Variants in TRPS1 observed in about 807,000 individuals in gnomAD.
TRPS1 encodes the protein transcriptional repressor GATA binding 1, also known as zinc finger transcription factor Trps1.
A neutral mutation model predicts 101.2 loss-of-function variants in TRPS1; 6 were observed. The ratio of observed to expected loss-of-function variants is 0.06; its 90% CI spans 0.03 to 0.12. The LOEUF (loss-of-function observed/expected upper bound fraction) is 0.12. TRPS1 is among the 10% of genes least tolerant of loss of function. The pLI, the probability that TRPS1 is intolerant of heterozygous loss-of-function variation, is 1.00. For synonymous variants in TRPS1, 578 were observed against 589.8 expected (o/e 0.98, Z 0.29); for missense variants, 1,363 against 1,567.0 (o/e 0.87, Z 2.20).
At chr8:115,575,272 T>G (rs1169396398) in intron 5 of TRPS1, among the ~76,000 whole-genome samples, 2 of 152,114 alleles carry the variant, frequency 1.3e-5, no homozygotes, top group Admixed American at 6.6e-5. Context: ...TGAAATACTA[T>G]GAAGTCAATA....
rs1474391482 is a variant in TRPS1 at position 115,663,653 on chromosome 8, TC to T, written c.-122+4891del. Among the ~76,000 whole-genome samples, 12 of 145,864 alleles carry T rather than the reference TC, an allele frequency of 8.2e-5. No individual in the cohort carries two copies. In the South Asian group the frequency reaches 2.6e-3, roughly 32 times the overall value. The stretch of plus-strand genomic sequence containing the variant: ...ATCAGAAAATGATTTCAAATGATGC[TC>T]CAAATTTGAAGTACATAGATAATTT... On this transcript the variant is annotated intron_variant, in intron 1 of 6. Transcript: ENST00000395715.
At chr8:115,515,774 A>T (rs1348123996) in intron 5 of TRPS1, among the ~76,000 whole-genome samples, 1 of 151,492 alleles carries the variant, frequency 6.6e-6, no homozygotes, top group Non-Finnish European at 1.5e-5. Flanking sequence ...GTGAAATATC[A>T]TGTAAAATAT....
At chr8:115,471,058 A>G (rs569057559) in intron 5 of TRPS1, among the ~76,000 whole-genome samples, 2 of 152,304 alleles carry the variant, frequency 1.3e-5, no homozygotes, top group South Asian at 2.1e-4. Context: ...CAAAGGCACT[A>G]ATGTATTTGT....
At chr8:115,499,483 G>A (rs1004734108) in intron 5 of TRPS1, among the ~76,000 whole-genome samples, 2 of 152,004 alleles carry the variant, frequency 1.3e-5, no homozygotes, top group Admixed American at 6.6e-5. Flanking sequence ...GGCCCTTGCT[G>A]TAGCTGGTGA....
intron 5 of TRPS1, among the ~76,000 whole-genome samples, chr8:115,575,813 A>T (rs1172374358): frequency 6.6e-6 from 1 of 152,166 alleles, no homozygotes; most frequent in Non-Finnish European, 1.5e-5. Flanking sequence ...ATGAAACTGA[A>T]TTATTCACAT....
chr8:115,416,948 A>G (rs1812936686), intron 6 of TRPS1, among the ~76,000 whole-genome samples: 1 of 152,154 alleles, frequency 6.6e-6, no homozygotes, highest in South Asian at 2.1e-4. Context: ...AACTGTCATA[A>G]CTTTTGTGTC....
At chr8:115,668,430 C>A (rs1481315774) in intron 1 of TRPS1, 115 bp downstream of exon 1, 1 of 143,442 alleles carries the variant, frequency 7.0e-6, no homozygotes, top group Non-Finnish European at 1.5e-5. Flanking sequence ...TGCGCGCACA[C>A]GAGCGGGCGC....
intron 5 of TRPS1, among the ~76,000 whole-genome samples, chr8:115,555,869 A>AAAC (rs758972119): frequency 0.15 from 3,605 of 24,456 alleles, 121 homozygotes; most frequent in African/African-American, 0.47. Context: ...ACAAACAAAC[A>AAAC]AAAAAAAAAG....
chr8:115,487,255 A>AG (rs958194082), intron 5 of TRPS1, among the ~76,000 whole-genome samples: 3 of 131,070 alleles, frequency 2.3e-5, no homozygotes, highest in Non-Finnish European at 5.6e-5. Context: ...CCTACTTCTC[A>AG]GAAAAAAAAA....
chr8:115,633,757 G>A (rs1332443302), intron 1 of TRPS1, among the ~76,000 whole-genome samples: 1 of 152,150 alleles, frequency 6.6e-6, no homozygotes, highest in Non-Finnish European at 1.5e-5. Flanking sequence ...AATAAATGCT[G>A]TGTTTACATG....
At chr8:115,508,007 CCTGT>C (rs1391367435) in intron 5 of TRPS1, among the ~76,000 whole-genome samples, 1 of 151,838 alleles carries the variant, frequency 6.6e-6, no homozygotes, top group Non-Finnish European at 1.5e-5. Context: ...TAACAACTTG[CCTGT>C]CTAAAATAAA....
At chr8:115,589,702 C>A (rs1817639617) in intron 4 of TRPS1, among the ~76,000 whole-genome samples, 1 of 152,066 alleles carries the variant, frequency 6.6e-6, no homozygotes, top group Non-Finnish European at 1.5e-5. Context: ...AATAATCTTG[C>A]CACCAATGTC....
rs575344035 is a variant in TRPS1, at chr8:115,478,265, A to G, written c.2701-59813T>C. 5.3e-5 allele frequency among the ~76,000 whole-genome samples: 8 copies of G among 152,342 alleles called. No homozygotes were observed. In the South Asian group the frequency reaches 8.3e-4, roughly 16 times the overall value. ...ATTCCTTTTCTCAATAGTGATGTTG[A>G]AATTCACATAATATGCTTATCGGAG... On this transcript the variant is annotated intron_variant, in intron 5 of 6. Transcript: ENST00000395715.
intron 5 of TRPS1, among the ~76,000 whole-genome samples, chr8:115,545,255 GTGC>G (rs1816544259): frequency 6.6e-6 from 1 of 152,100 alleles, no homozygotes. Context: ...GAAACATAAG[GTGC>G]TGCTGTCTGA....
Position 115,409,268 on chromosome 8 carries a change from A to AAAAC in TRPS1, c.*4754_*4755insGTTT, listed in dbSNP as rs1812729355. 6.7e-6 allele frequency: 1 copy of AAAAC among 149,184 alleles called. No homozygotes were observed. The highest frequency in any genetic ancestry group is 1.5e-5 in the Non-Finnish European group (1 of 67,228). 9.2% of individuals were successfully genotyped at this position (149,184 alleles called of 1,614,324 possible). On this transcript the variant is annotated 3_prime_UTR_variant, in exon 7 of 7. Transcript: ENST00000395715. ...CTGCAGTTTATATGTTGGGAAAAAA[A>AAAAC]AAAAAAAAAAAAACAGGGGAAAACC... is the stretch of plus-strand genomic sequence containing the variant.
intron 5 of TRPS1, among the ~76,000 whole-genome samples, chr8:115,429,455 C>T (rs1306297365): frequency 6.6e-6 from 1 of 152,142 alleles, no homozygotes; most frequent in Admixed American, 6.6e-5. Context: ...CTCATACGAG[C>T]CTTACTCGCA....
chr8:115,514,918 T>C (rs919843031), intron 5 of TRPS1, among the ~76,000 whole-genome samples: 1 of 151,638 alleles, frequency 6.6e-6, no homozygotes, highest in African/African-American at 2.4e-5. Flanking sequence ...AATTCCAGTG[T>C]AGAAAAAAAG....
At chr8:115,583,689 G>C (rs1817502713) in intron 5 of TRPS1, among the ~76,000 whole-genome samples, 1 of 151,930 alleles carries the variant, frequency 6.6e-6, no homozygotes, top group Non-Finnish European at 1.5e-5. Context: ...TTTTCCTAGA[G>C]CAATTTATAA....
chr8:115,429,767 T>G (rs1160929431), intron 5 of TRPS1, among the ~76,000 whole-genome samples: 1 of 152,200 alleles, frequency 6.6e-6, no homozygotes, highest in Non-Finnish European at 1.5e-5. Flanking sequence ...CCCTGCCTTA[T>G]GTTTATATTC....
Sources: allele counts gnomAD v4.1 joint callset (sites outside exome capture counted in the v4.1 genomes callset), GRCh38; gene constraint gnomAD v4.1.1; transcripts MANE v1.5; gene names NCBI Gene and HGNC (gene_info 2026-07-23, HGNC 2026-07-21).